SACS: variants seen among roughly 807,000 people sequenced by gnomAD.
SACS encodes the protein sacsin.
In SACS, 197 loss-of-function variants were observed where a neutral mutation model predicts 348.0. The observed-to-expected ratio is 0.57, with a 90% CI of 0.50 to 0.64. The LOEUF (loss-of-function observed/expected upper bound fraction) is 0.64, where lower values mean the gene tolerates loss of function less well. SACS is among the 30% of genes least tolerant of loss of function. The probability of loss-of-function intolerance (pLI) is 0.00; values close to 1 mark genes in which losing one functional copy is unlikely to be tolerated. For missense variants in SACS, 4,999 were observed against 5,360.8 expected (o/e 0.93, Z 2.11); for synonymous variants, 1,985 against 1,910.6 (o/e 1.04, Z -1.02).
At chr13:23,382,661 T>C (rs1872107102) in intron 2 of SACS, among the ~76,000 whole-genome samples, 1 of 152,174 alleles carries the variant, frequency 6.6e-6, no homozygotes, top group Non-Finnish European at 1.5e-5. Flanking sequence ...TTGTTCACTA[T>C]TTCTATAATC....
At position 23,411,495 on chromosome 13, in the gene SACS, C is replaced by T. The variant is rs1038112320; in HGVS notation, c.-256G>A. ...ATGGTTGCCTGCTGATCCAGCGACC[C>T]ATGGAAGTTCTCAGGATAAAACAGT... On this transcript the variant is annotated 5_prime_UTR_variant, in exon 2 of 10. The change abolishes an upstream ATG in the 5' untranslated region. Transcript: ENST00000382292. 7 of 535,044 alleles carry T rather than the reference C, an allele frequency of 1.3e-5. No homozygotes were observed. The highest frequency in any genetic ancestry group is 7.0e-5 in the Admixed American group (2 of 28,508). The allele number at this position is 535,044 out of a possible 1,614,324, so 33.1% of individuals were successfully genotyped here. A position where few individuals can be genotyped will look rare whatever the true frequency, so the allele number is the denominator to read the frequency against.
intron 5 of SACS, among the ~76,000 whole-genome samples, chr13:23,366,363 C>G (rs1007663906): frequency 6.6e-6 from 1 of 152,146 alleles, no homozygotes; most frequent in Non-Finnish European, 1.5e-5. Flanking sequence ...CTGTTCCACC[C>G]CAAACATGAA....
At chr13:23,416,058 T>A (rs539822881) in intron 1 of SACS, among the ~76,000 whole-genome samples, 1 of 152,250 alleles carries the variant, frequency 6.6e-6, no homozygotes, top group South Asian at 2.1e-4. Context: ...GGCTGTTAGG[T>A]CACCTGAGGT....
intron 2 of SACS, chr13:23,375,481 C>T: frequency 2.2e-5 from 25 of 1,154,812 alleles, no homozygotes; most frequent in South Asian, 1.3e-4. Context: ...TGGCGCAGTC[C>T]CGTACGCAGC....
At position 23,355,370 on chromosome 13, in the gene SACS, C is replaced by T; in HGVS notation, c.1242G>A (p.Leu414=). 6.2e-7 allele frequency: 1 copy of T among 1,614,114 alleles called. No homozygotes were observed. The highest frequency in any genetic ancestry group is 8.5e-7 in the Non-Finnish European group (1 of 1,180,016). Residue 414 remains leucine, a synonymous_variant, in exon 8 of 10, where the codon CTG becomes CTA. Transcript: ENST00000382292. ...SSKLDSLADE[L]KFVPIIGIAM... is the part of the protein sequence containing the mutation. The stretch of plus-strand genomic sequence containing the variant: ...CTATTCCAATGATTGGGACAAATTT[C>T]AGTTCATCAGCTAAAGAGTCAAGCT...
chr13:23,358,238 C>G, intron 7 of SACS, 97 bp downstream of exon 7: 1 of 1,341,070 alleles, frequency 7.5e-7, no homozygotes, highest in Non-Finnish European at 1.1e-6. Flanking sequence ...GGTAAGATGG[C>G]TTTTAAACAG....
chr13:23,360,152 C>T (rs778225779), intron 6 of SACS, among the ~76,000 whole-genome samples: 3 of 152,066 alleles, frequency 2.0e-5, no homozygotes, highest in Non-Finnish European at 4.4e-5. Context: ...AGCACAAATA[C>T]GGGGCTCAGC....
chr13:23,405,620 G>T (rs563204231), intron 2 of SACS, among the ~76,000 whole-genome samples: 1 of 151,716 alleles, frequency 6.6e-6, no homozygotes, highest in African/African-American at 2.4e-5. Flanking sequence ...AACAGAATGG[G>T]AGAAAATTTT....
intron 1 of SACS, among the ~76,000 whole-genome samples, chr13:23,412,501 C>G (rs1380831005): frequency 6.6e-6 from 1 of 150,518 alleles, no homozygotes; most frequent in Admixed American, 6.6e-5. Flanking sequence ...GCAACATCTA[C>G]CTCCCGAGTT....
At position 23,337,757 on chromosome 13, in the gene SACS, G is replaced by C. The variant is rs1234193312; in HGVS notation, c.6119C>G (p.Ala2040Gly). 6.2e-7 allele frequency: 1 copy of C among 1,613,926 alleles called. No homozygotes were observed. The highest frequency in any genetic ancestry group is 1.7e-5 in the Admixed American group (1 of 60,016). ...PSSVKLGFEE[A>G]GCKQILLENT... Reference sequence around the variant, plus strand: ...TTCAAGTAGTATCTGTTTGCAGCCAGCTTCTTCAAATCCTAATTTTACCGA... The same window carrying C: ...TTCAAGTAGTATCTGTTTGCAGCCACCTTCTTCAAATCCTAATTTTACCGA... The change falls in exon 10 of 10, where the codon GCT (alanine) becomes GGT (glycine). Residue 2040 changes from alanine to glycine, a missense_variant. This residue lies in a region of SACS where 3,156 missense variants were observed against 3,380.1 expected (regional missense o/e 0.93). Transcript: ENST00000382292.
chr13:23,355,382 TAA>T lies in SACS; in HGVS notation c.1228_1229del (p.Leu410SerfsTer2), dbSNP rs1057516365. ...TTGGGACAAATTTCAGTTCATCAGC[TAA>T]AGAGTCAAGCTTACTACTGATCCCT... ...GRGISSKLDS[L>X]ADELKFVPII... On this transcript the variant is annotated frameshift_variant, in exon 8 of 10. Transcript: ENST00000382292. LOFTEE classifies it high-confidence loss of function. The T allele has an allele frequency of 6.2e-7, 1 of 1,614,142 alleles. No individual in the cohort carries two copies. The highest frequency in any genetic ancestry group is 8.5e-7 in the Non-Finnish European group (1 of 1,180,044).
At chr13:23,416,040 G>A (rs1467144853) in intron 1 of SACS, among the ~76,000 whole-genome samples, 2 of 152,184 alleles carry the variant, frequency 1.3e-5, no homozygotes, top group Non-Finnish European at 2.9e-5. Context: ...AGCACTCTGG[G>A]GGGCTGAGGC....
rs2137645108 is a variant in SACS, at chr13:23,341,560, A to G, written c.2316T>C (p.Asn772=). 1.2e-6 allele frequency: 2 copies of G among 1,614,072 alleles called. No individual in the cohort carries two copies. Among genetic ancestry groups the G allele is most frequent in the Non-Finnish European group, 1.7e-6 (2 of 1,179,994 alleles). The change falls in exon 10 of 10, where the codon AAT becomes AAC. Residue 772 remains asparagine (N), a synonymous_variant. Transcript: ENST00000382292. ...VQWYPFDENR[N]HPSVSWLKMV... ...TCTTAAGCCATGAAACAGATGGGTG[A>G]TTTCTGTTTTCATCAAATGGATACC...
In SACS at chr13:23,332,643, G is replaced by A. The variant is rs1485351274; in HGVS notation, c.11233C>T (p.Leu3745Phe). The A allele has an allele frequency of 5.6e-6, 9 of 1,613,662 alleles. No individual in the cohort carries two copies. Among genetic ancestry groups the A allele is most frequent in the Non-Finnish European group, 7.6e-6 (9 of 1,179,912 alleles). Residue 3745 changes from leucine to phenylalanine, a missense_variant, in exon 10 of 10, where the codon CTT becomes TTT. Around this residue, in one of 6 missense-constraint regions of SACS, gnomAD observed 831 missense variants for 941.8 expected, o/e 0.88. Coordinates refer to ENST00000382292, the MANE Select transcript of SACS (RefSeq NM_014363.6). ...NMLNVNLDPPLDKVINNCRNI... is the reference protein window; with the variant it reads ...NMLNVNLDPPFDKVINNCRNI... Reference sequence around the variant, plus strand: ...CTGCAGTTATTGATTACCTTATCAAGAGGAGGATCCAGGTTAACATTAAGC... The same window carrying A: ...CTGCAGTTATTGATTACCTTATCAAAAGGAGGATCCAGGTTAACATTAAGC...
intron 8 of SACS, 77 bp downstream of exon 8, chr13:23,354,442 C>G (rs1280275439): frequency 7.8e-7 from 1 of 1,289,832 alleles, no homozygotes; most frequent in Non-Finnish European, 1.1e-6. Context: ...TTGAATTTCA[C>G]AACAAAGGAC....
chr13:23,340,896 G>A lies in SACS; in HGVS notation c.2980C>T (p.Leu994Phe), dbSNP rs750923187. Residue 994 changes from leucine to phenylalanine, a missense_variant, in exon 10 of 10, where the codon CTT (leucine) becomes TTT (phenylalanine). Around this residue, in one of 6 missense-constraint regions of SACS, gnomAD observed 3,156 missense variants for 3,380.1 expected, o/e 0.93. Transcript: ENST00000382292. ...GCATTTTCAATATCTTTTAAAACAA[G>A]CTTTAAGCAGCTAGTGGTCTTTAAC... ...EQLKTTSCLK[L>F]VLKDIENAFY... The A allele has an allele frequency of 6.2e-7, 1 of 1,612,776 alleles. No homozygotes were observed. The highest frequency in any genetic ancestry group is 8.5e-7 in the Non-Finnish European group (1 of 1,178,926).
chr13:23,413,818 GA>G (rs1873594870), intron 1 of SACS, among the ~76,000 whole-genome samples: 1 of 152,032 alleles, frequency 6.6e-6, no homozygotes, highest in African/African-American at 2.4e-5. Flanking sequence ...GCCATGCTAA[GA>G]AGTAGAAAAC....
intron 2 of SACS, among the ~76,000 whole-genome samples, chr13:23,401,597 C>CT (rs1047493253): frequency 6.6e-6 from 1 of 152,236 alleles, no homozygotes; most frequent in African/African-American, 2.4e-5. Flanking sequence ...TCTAAATTAA[C>CT]TGAGACCTGT....
chr13:23,429,663 C>T (rs1392279360), intron 1 of SACS, among the ~76,000 whole-genome samples: 3 of 151,320 alleles, frequency 2.0e-5, no homozygotes, highest in Non-Finnish European at 4.4e-5. Flanking sequence ...GTGCCAGGCC[C>T]GAGGTAGGGA....
Sources: gnomAD v4.1 joint callset for allele counts (sites outside exome capture counted in the v4.1 genomes callset) on GRCh38, gnomAD v4.1.1 for gene constraint, gnomAD v4.1.1 regional missense constraint, MANE v1.5 for transcripts, NCBI Gene and HGNC (gene_info 2026-07-23, HGNC 2026-07-21) for gene names.